GNA14: variants seen among roughly 807,000 people sequenced by gnomAD.
GNA14 encodes G protein subunit alpha 14, also known as guanine nucleotide-binding protein subunit alpha-14.
Under a neutral mutation model 42.0 loss-of-function variants are expected in GNA14, and 50 were observed. The observed-to-expected ratio is 1.19, with a 90% CI of 0.95 to 1.51. The LOEUF (loss-of-function observed/expected upper bound fraction) is 1.51. GNA14 is among the 40% of genes most tolerant of loss of function. GNA14 has a pLI of 0.00. For missense variants in GNA14, 473 were observed against 446.2 expected (o/e 1.06, Z -0.54); for synonymous variants, 173 against 163.1 (o/e 1.06, Z -0.46).
At chr9:77,550,790 G>T (rs1837777913) in intron 1 of GNA14, among the ~76,000 whole-genome samples, 1 of 152,200 alleles carries the variant, frequency 6.6e-6, no homozygotes. Context: ...GTTAAGGTCA[G>T]GTTGTCCACA....
chr9:77,521,720 A>G (rs1837358194), intron 2 of GNA14, among the ~76,000 whole-genome samples: 1 of 152,234 alleles, frequency 6.6e-6, no homozygotes, highest in Admixed American at 6.5e-5. Flanking sequence ...TTTGATGCTT[A>G]TGTTTTATAC....
At chr9:77,551,774 C>T (rs554831919) in intron 1 of GNA14, among the ~76,000 whole-genome samples, 5 of 151,982 alleles carry the variant, frequency 3.3e-5, no homozygotes, top group Non-Finnish European at 4.4e-5. Flanking sequence ...CCTTTTCATT[C>T]TTCATGGCTC....
intron 1 of GNA14, among the ~76,000 whole-genome samples, chr9:77,589,275 A>G (rs1823352031): frequency 6.6e-6 from 1 of 152,226 alleles, no homozygotes; most frequent in Admixed American, 6.5e-5. Context: ...CATTTCCCAG[A>G]GCCTCTTAAG....
intron 2 of GNA14, among the ~76,000 whole-genome samples, chr9:77,515,960 C>CAAAAAGAAA (rs1837248766): frequency 1.9e-5 from 1 of 52,736 alleles, no homozygotes; most frequent in East Asian, 8.9e-4. Context: ...CCCTGTCTCA[C>CAAAAAGAAA]AAAAAAAAAA....
intron 1 of GNA14, among the ~76,000 whole-genome samples, chr9:77,622,267 C>G (rs1029402671): frequency 6.6e-6 from 1 of 152,184 alleles, no homozygotes; most frequent in African/African-American, 2.4e-5. Flanking sequence ...AAGAAATGAG[C>G]TCATATCTCT....
At chr9:77,438,042 T>C (rs1275693089) in intron 2 of GNA14, among the ~76,000 whole-genome samples, 1 of 152,056 alleles carries the variant, frequency 6.6e-6, no homozygotes, top group African/African-American at 2.4e-5. Flanking sequence ...GGAGTAGATA[T>C]AGATATGACC....
intron 2 of GNA14, among the ~76,000 whole-genome samples, chr9:77,491,393 C>G (rs1367685030): frequency 6.6e-6 from 1 of 152,052 alleles, no homozygotes; most frequent in Non-Finnish European, 1.5e-5. Context: ...AAACAAAACC[C>G]AACTATATGC....
intron 3 of GNA14, among the ~76,000 whole-genome samples, chr9:77,433,378 T>C (rs1388693724): frequency 6.6e-6 from 1 of 152,068 alleles, no homozygotes; most frequent in Non-Finnish European, 1.5e-5. Context: ...TATTATTTAT[T>C]TATTTATTTA....
At chr9:77,505,173 T>G (rs1837048574) in intron 2 of GNA14, among the ~76,000 whole-genome samples, 1 of 152,194 alleles carries the variant, frequency 6.6e-6, no homozygotes, top group South Asian at 2.1e-4. Context: ...TTTGAGAGCC[T>G]AAGTAGAAAC....
chr9:77,473,674 A>G (rs1288066724), intron 2 of GNA14, among the ~76,000 whole-genome samples: 1 of 150,046 alleles, frequency 6.7e-6, no homozygotes, highest in Non-Finnish European at 1.5e-5. Flanking sequence ...ATGGGAATGT[A>G]AGAAAACCAG....
chr9:77,492,902 G>T (rs1194372272), intron 2 of GNA14, among the ~76,000 whole-genome samples: 2 of 150,672 alleles, frequency 1.3e-5, no homozygotes, highest in East Asian at 3.9e-4. Context: ...TCGGGAGGCT[G>T]AGGCAGGAGA....
intron 2 of GNA14, among the ~76,000 whole-genome samples, chr9:77,513,537 G>A (rs1234124796): frequency 6.6e-6 from 1 of 152,218 alleles, no homozygotes; most frequent in South Asian, 2.1e-4. Flanking sequence ...CTGCCCTTAG[G>A]GAGCTCACGA....
At chr9:77,442,242 C>G (rs1835747435) in intron 2 of GNA14, among the ~76,000 whole-genome samples, 1 of 152,124 alleles carries the variant, frequency 6.6e-6, no homozygotes, top group African/African-American at 2.4e-5. Flanking sequence ...GCGTGTGATG[C>G]ATGCCTATAA....
intron 1 of GNA14, among the ~76,000 whole-genome samples, chr9:77,601,518 T>C (rs563619015): frequency 2.6e-5 from 4 of 152,366 alleles, no homozygotes; most frequent in Non-Finnish European, 4.4e-5. Context: ...ACAATGCATA[T>C]TTGTGTAACA....
intron 2 of GNA14, among the ~76,000 whole-genome samples, chr9:77,458,979 A>C (rs1389204538): frequency 1.3e-5 from 2 of 151,818 alleles, no homozygotes; most frequent in African/African-American, 2.4e-5. Flanking sequence ...TGTCACCAAC[A>C]ATAAGTCATC....
intron 2 of GNA14, among the ~76,000 whole-genome samples, chr9:77,491,150 G>A (rs1230394709): frequency 2.6e-5 from 4 of 152,142 alleles, no homozygotes; most frequent in African/African-American, 9.7e-5. Context: ...ATGAAAGAAA[G>A]ATAAAGTCTT....
rs192734209 is a variant in GNA14, at chr9:77,615,310, T to A, written c.124+32360A>T. The stretch of plus-strand genomic sequence containing the variant: ...TTTCAGGAGACAATGCTTTTTTTTT[T>A]AGCCACTAAAGGTAAACCAATAGTC... On this transcript the variant is annotated intron_variant, in intron 1 of 6. Transcript: ENST00000341700. 3.1e-3 allele frequency among the ~76,000 whole-genome samples: 474 copies of A among 152,148 alleles called. 1 individual carries two copies. Among genetic ancestry groups the A allele is most frequent in the African/African-American group, 0.011 (446 of 41,436 alleles).
At chr9:77,505,727 C>T (rs953135057) in intron 2 of GNA14, among the ~76,000 whole-genome samples, 2 of 152,214 alleles carry the variant, frequency 1.3e-5, no homozygotes, top group African/African-American at 4.8e-5. Flanking sequence ...GGAAGGACTA[C>T]AGCTGTAGCA....
At chr9:77,536,639 C>T (rs1383659973) in intron 1 of GNA14, among the ~76,000 whole-genome samples, 3 of 152,158 alleles carry the variant, frequency 2.0e-5, no homozygotes, top group Non-Finnish European at 4.4e-5. Flanking sequence ...TGTAAGACAC[C>T]GTGCCCTGCC....
Sources: gnomAD v4.1 joint callset for allele counts (sites outside exome capture counted in the v4.1 genomes callset) on GRCh38, gnomAD v4.1.1 for gene constraint, MANE v1.5 for transcripts, NCBI Gene and HGNC (gene_info 2026-07-23, HGNC 2026-07-21) for gene names.